TBC1D19: variants seen among roughly 807,000 people sequenced by gnomAD.
TBC1D19 encodes TBC1 domain family member 19.
TBC1D19 carries 60 observed loss-of-function variants against 89.0 expected under a neutral mutation model. That is an observed-to-expected ratio of 0.67 (90% CI 0.55 to 0.84). The LOEUF (loss-of-function observed/expected upper bound fraction) is 0.84, where lower values mean the gene tolerates loss of function less well. TBC1D19 is among the 40% of genes least tolerant of loss of function. The pLI, the probability that TBC1D19 is intolerant of heterozygous loss-of-function variation, is 0.00. For missense variants in TBC1D19, 500 were observed against 610.8 expected, an observed-to-expected ratio of 0.82 and a Z score of 1.91; for synonymous variants, 189 against 199.7, an observed-to-expected ratio of 0.95 and a Z score of 0.45.
intron 18 of TBC1D19, 129 bp from the exon 19 acceptor site, chr4:26,748,282 T>C (rs1293926921): frequency 2.5e-5 from 16 of 642,448 alleles, no homozygotes; most frequent in Non-Finnish European, 8.1e-6. Flanking sequence ...TTCAAGAAAG[T>C]ACTTAAGTTT....
chr4:26,696,036 A>G (rs1269536125), intron 13 of TBC1D19, among the ~76,000 whole-genome samples: 1 of 152,230 alleles, frequency 6.6e-6, no homozygotes, highest in Non-Finnish European at 1.5e-5. Context: ...AATGGGCTAA[A>G]TGCTCCAATT....
chr4:26,827,458 G>A, the TBC1D19 span, among the ~76,000 whole-genome samples: 1 of 152,222 alleles, frequency 6.6e-6, no homozygotes, highest in South Asian at 2.1e-4. Flanking sequence ...ACAAAAATTA[G>A]TCAGGCATGG....
chr4:26,785,306 T>A, the TBC1D19 span, among the ~76,000 whole-genome samples: 2 of 152,184 alleles, frequency 1.3e-5, no homozygotes, highest in Non-Finnish European at 2.9e-5. Flanking sequence ...ATTAAACTTT[T>A]AAAAAATTAA....
Position 26,659,696 on chromosome 4 carries a change from A to G in TBC1D19, c.580A>G (p.Ile194Val). 2 of 1,574,664 alleles carry G rather than the reference A, an allele frequency of 1.3e-6. No homozygotes were observed. The highest frequency in any genetic ancestry group is 2.3e-5 in the East Asian group (1 of 44,348). ...LIQVPLKVKDIPELKECFVEL... is the reference protein window; with the variant it reads ...LIQVPLKVKDVPELKECFVEL... ...TCAAGTTCCACTGAAAGTAAAAGACATCCCTGAATTGGTAAGTATAGAAAC... is the reference window on the plus strand; with the variant it reads ...TCAAGTTCCACTGAAAGTAAAAGACGTCCCTGAATTGGTAAGTATAGAAAC... The change falls in exon 8 of 21, where the codon ATC becomes GTC. Residue 194 changes from isoleucine (I) to valine (V), a missense_variant. This residue lies in a region of TBC1D19 where 280 missense variants were observed against 291.7 expected (regional missense o/e 0.96). Transcript: ENST00000264866.
In TBC1D19 at chr4:26,597,120, T is replaced by C. The variant is rs1362169316; in HGVS notation, c.99+12828T>C. 3.9e-5 allele frequency among the ~76,000 whole-genome samples: 6 copies of C among 152,228 alleles called. No homozygotes were observed. The South Asian group carries it at 1.2e-3, about 31-fold the overall frequency. On this transcript the variant is annotated intron_variant, in intron 1 of 20. Coordinates refer to ENST00000264866, the MANE Select transcript of TBC1D19 (RefSeq NM_018317.4). ...GCTGTTCAGCTCTTCTATAATCTTA[T>C]TGGATTTTTTTGTTTGTTCCATCAG...
rs138296525 is a variant in TBC1D19, at chr4:26,742,873, G to A, written c.1319+274G>A. ...GAACCAATTTCTATTCATAACGAAA[G>A]GTGTCAGCCAAAACTGAAGCAAACA... On this transcript the variant is annotated intron_variant, in intron 18 of 20. Coordinates refer to ENST00000264866, the MANE Select transcript of TBC1D19 (RefSeq NM_018317.4). 4.6e-5 allele frequency among the ~76,000 whole-genome samples: 7 copies of A among 152,112 alleles called. No individual in the cohort carries two copies. In the East Asian group the frequency reaches 1.3e-3, roughly 29 times the overall value.
chr4:26,816,082 G>A, the TBC1D19 span, among the ~76,000 whole-genome samples: 7 of 152,138 alleles, frequency 4.6e-5, no homozygotes, highest in South Asian at 2.1e-4. Context: ...TGTGAATCAC[G>A]TGCCTTTGGT....
At chr4:26,801,646 A>G in the TBC1D19 span, among the ~76,000 whole-genome samples, 17 of 152,232 alleles carry the variant, frequency 1.1e-4, no homozygotes, top group South Asian at 3.1e-3. Flanking sequence ...ATGAGCATGG[A>G]ATGTTCTTCC....
At chr4:26,799,952 T>TA in the TBC1D19 span, among the ~76,000 whole-genome samples, 48 of 151,886 alleles carry the variant, frequency 3.2e-4, no homozygotes, top group South Asian at 1.2e-3. Context: ...TTCTTTTTTT[T>TA]AAAAAACTGT....
the TBC1D19 span, among the ~76,000 whole-genome samples, chr4:26,763,734 G>A: frequency 6.6e-6 from 1 of 152,134 alleles, no homozygotes; most frequent in African/African-American, 2.4e-5. Context: ...CAGATTTTCT[G>A]GGTCTACACA....
intron 4 of TBC1D19, among the ~76,000 whole-genome samples, chr4:26,630,605 A>G (rs1198345579): frequency 6.6e-6 from 1 of 152,000 alleles, no homozygotes. Flanking sequence ...GTGGACCTCA[A>G]GTTTATCCAT....
At chr4:26,684,749 A>G (rs1713659801) in intron 12 of TBC1D19, among the ~76,000 whole-genome samples, 1 of 152,208 alleles carries the variant, frequency 6.6e-6, no homozygotes, top group Non-Finnish European at 1.5e-5. Context: ...AAAGAAGATT[A>G]CATATTGAGG....
upstream of TBC1D19, among the ~76,000 whole-genome samples, chr4:26,581,807 T>C (rs1011710311): frequency 6.6e-6 from 1 of 152,230 alleles, no homozygotes; most frequent in African/African-American, 2.4e-5. Flanking sequence ...CATTTCTTAC[T>C]TATCTTTGTA....
intron 13 of TBC1D19, among the ~76,000 whole-genome samples, chr4:26,712,376 A>G (rs2109247344): frequency 6.6e-6 from 1 of 151,924 alleles, no homozygotes; most frequent in East Asian, 1.9e-4. Context: ...CCTTTATAGA[A>G]CCTAGTGTAT....
At chr4:26,618,159 C>A (rs1454711711) in intron 3 of TBC1D19, among the ~76,000 whole-genome samples, 1 of 152,128 alleles carries the variant, frequency 6.6e-6, no homozygotes, top group Non-Finnish European at 1.5e-5. Context: ...AATGAACAGG[C>A]TAGACAGTCT....
At chr4:26,843,774 G>A in the TBC1D19 span, among the ~76,000 whole-genome samples, 23 of 152,166 alleles carry the variant, frequency 1.5e-4, no homozygotes, top group African/African-American at 5.1e-4. Context: ...TCTGCAGGCT[G>A]TACAAGCAGG....
the TBC1D19 span, among the ~76,000 whole-genome samples, chr4:26,767,218 T>G: frequency 6.6e-6 from 1 of 152,178 alleles, no homozygotes; most frequent in Non-Finnish European, 1.5e-5. Context: ...TTGTGCTGTA[T>G]TTTCCTCATG....
chr4:26,637,345 A>T (rs1186558927), intron 5 of TBC1D19, 60 bp downstream of exon 5: 5 of 1,262,490 alleles, frequency 4.0e-6, no homozygotes, highest in Non-Finnish European at 4.6e-6. Context: ...AGAAAGTATC[A>T]TGAAGTTATA....
chr4:26,652,863 C>T (rs369787409), intron 7 of TBC1D19, among the ~76,000 whole-genome samples: 1 of 152,014 alleles, frequency 6.6e-6, no homozygotes, highest in Non-Finnish European at 1.5e-5. Context: ...GTGTCTCTAT[C>T]TCCTTCAGTT....
Sources: gnomAD v4.1 joint callset for allele counts (sites outside exome capture counted in the v4.1 genomes callset) on GRCh38, gnomAD v4.1.1 for gene constraint, gnomAD v4.1.1 regional missense constraint, MANE v1.5 for transcripts, NCBI Gene and HGNC (gene_info 2026-07-23, HGNC 2026-07-21) for gene names.